The following FTO variants were observed in gnomAD, a reference collection of about 807,000 sequenced individuals.
The protein encoded by FTO is alpha-ketoglutarate-dependent dioxygenase FTO.
Under a neutral mutation model 63.9 loss-of-function variants are expected in FTO, and 47 were observed. The ratio of observed to expected loss-of-function variants is 0.74; its 90% CI spans 0.58 to 0.94. The LOEUF is 0.94. Ranked by LOEUF, FTO falls within the 40% of genes least tolerant of loss-of-function variation. FTO has a pLI of 0.00. For missense variants in FTO, 562 were observed against 618.1 expected, an observed-to-expected ratio of 0.91 and a Z score of 0.96; for synonymous variants, 207 against 224.4, an observed-to-expected ratio of 0.92 and a Z score of 0.69.
chr16:53,973,539 A>G (rs1354773499), intron 8 of FTO, among the ~76,000 whole-genome samples: 1 of 152,160 alleles, frequency 6.6e-6, no homozygotes, highest in African/African-American at 2.4e-5. Context: ...GGAAAGGGCT[A>G]GTTTTGAGGA....
intron 8 of FTO, among the ~76,000 whole-genome samples, chr16:54,105,985 A>G (rs2086742132): frequency 6.6e-6 from 1 of 152,198 alleles, no homozygotes; most frequent in Non-Finnish European, 1.5e-5. Flanking sequence ...CCAGCACATT[A>G]CTGTAAAACC....
chr16:53,704,249 CCT>C lies in FTO; in HGVS notation c.45+21_45+22del. The C allele has an allele frequency of 6.4e-7, 1 of 1,551,008 alleles. No individual in the cohort carries two copies. Among genetic ancestry groups the C allele is most frequent in the Non-Finnish European group, 8.7e-7 (1 of 1,146,440 alleles). ...GCTAAGGTATGTCGGGCTCCCGGGG[CCT>C]GGAGATCTTCGTGCGCTGTGAGCAA... On this transcript the variant is annotated intron_variant, in intron 1 of 8. Transcript: ENST00000471389.
intron 8 of FTO, among the ~76,000 whole-genome samples, chr16:54,021,549 T>A (rs2084601162): frequency 6.6e-6 from 1 of 152,088 alleles, no homozygotes; most frequent in Non-Finnish European, 1.5e-5. Context: ...GAGTGCAGTG[T>A]CGCAATCTCG....
chr16:53,721,037 G>T (rs1172312653), intron 1 of FTO, among the ~76,000 whole-genome samples: 1 of 152,080 alleles, frequency 6.6e-6, no homozygotes, highest in East Asian at 1.9e-4. Context: ...CTATCTGCCT[G>T]CCTTGGTCTC....
intron 1 of FTO, among the ~76,000 whole-genome samples, chr16:53,805,808 G>A (rs1218521919): frequency 2.0e-5 from 3 of 152,144 alleles, no homozygotes; most frequent in Non-Finnish European, 4.4e-5. Context: ...TGTGGAAATG[G>A]GTGGTAGCCT....
intron 1 of FTO, among the ~76,000 whole-genome samples, chr16:53,787,697 A>G (rs1308693752): frequency 6.6e-6 from 1 of 152,180 alleles, no homozygotes; most frequent in East Asian, 1.9e-4. Context: ...AACTAATCAT[A>G]TAAACATCTT....
intron 7 of FTO, among the ~76,000 whole-genome samples, chr16:53,915,535 C>T (rs1481577471): frequency 2.0e-5 from 3 of 152,136 alleles, no homozygotes; most frequent in Non-Finnish European, 2.9e-5. Flanking sequence ...TTTTCTGCTC[C>T]TTAAGAGTTA....
intron 8 of FTO, among the ~76,000 whole-genome samples, chr16:53,975,207 GTTT>G (rs201129496): frequency 6.9e-6 from 1 of 144,220 alleles, no homozygotes; most frequent in Non-Finnish European, 1.5e-5. Context: ...AATATTGTAA[GTTT>G]TTTTTTTTTT....
intron 2 of FTO, among the ~76,000 whole-genome samples, chr16:53,822,273 C>G (rs970522857): frequency 2.0e-5 from 3 of 152,178 alleles, no homozygotes; most frequent in African/African-American, 7.2e-5. Context: ...CATCTGCCTA[C>G]TATTATTACA....
At chr16:53,780,594 T>C (rs913948245) in intron 1 of FTO, among the ~76,000 whole-genome samples, 7 of 152,086 alleles carry the variant, frequency 4.6e-5, no homozygotes, top group African/African-American at 1.7e-4. Flanking sequence ...GGTCTTGAAC[T>C]CCTGACCTCA....
At chr16:53,831,991 A>G (rs947598231) in intron 3 of FTO, among the ~76,000 whole-genome samples, 2 of 152,230 alleles carry the variant, frequency 1.3e-5, no homozygotes, top group African/African-American at 2.4e-5. Flanking sequence ...GAAGAAGGGA[A>G]GCAACACCAG....
intron 8 of FTO, among the ~76,000 whole-genome samples, chr16:54,049,158 C>G (rs1005279393): frequency 6.6e-6 from 1 of 152,142 alleles, no homozygotes; most frequent in Non-Finnish European, 1.5e-5. Flanking sequence ...GTGATACTAC[C>G]ACATACGTCT....
chr16:54,081,288 G>A (rs697771), intron 8 of FTO, among the ~76,000 whole-genome samples: 75,578 of 151,996 alleles, frequency 0.5, 19,570 homozygotes, highest in African/African-American at 0.66. Flanking sequence ...CAAAGAAGGC[G>A]ATTAGATATT....
chr16:53,913,235 G>A (rs777990091), intron 7 of FTO, among the ~76,000 whole-genome samples: 11 of 152,212 alleles, frequency 7.2e-5, no homozygotes, highest in Non-Finnish European at 1.6e-4. Flanking sequence ...GAATGACGGT[G>A]ATTACCCCAC....
chr16:53,947,675 A>G (rs376156456), intron 8 of FTO, among the ~76,000 whole-genome samples: 110 of 152,324 alleles, frequency 7.2e-4, no homozygotes, highest in Admixed American at 1.3e-3. Flanking sequence ...TCTTATTGGG[A>G]TAATAAACAC....
chr16:54,080,000 A>G (rs569993075), intron 8 of FTO, among the ~76,000 whole-genome samples: 2 of 152,220 alleles, frequency 1.3e-5, no homozygotes, highest in Non-Finnish European at 2.9e-5. Flanking sequence ...CCTCTGAGCC[A>G]GAGCCTTAAC....
chr16:53,958,535 C>T (rs944836046), intron 8 of FTO, among the ~76,000 whole-genome samples: 13 of 152,122 alleles, frequency 8.5e-5, no homozygotes, highest in Admixed American at 4.6e-4. Context: ...AAAGAGAGAG[C>T]GAGATTAAGC....
At chr16:53,950,179 A>AAAAAAAC (rs201710707) in intron 8 of FTO, among the ~76,000 whole-genome samples, 2 of 145,878 alleles carry the variant, frequency 1.4e-5, no homozygotes, top group Non-Finnish European at 3.0e-5. Context: ...AAAAAAAAAA[A>AAAAAAAC]CTTAATCCAT....
chr16:54,116,041 A>C lies in FTO; in HGVS notation c.*4126A>C, dbSNP rs754637737. ...AGCCCCACAGAGCTTTCTAGACATA[A>C]AAGAGCAGGGTCATGGCATCATTGG... On this transcript the variant is annotated 3_prime_UTR_variant, in exon 9 of 9. Coordinates refer to ENST00000471389, the MANE Select transcript of FTO (RefSeq NM_001080432.3). 1.3e-5 allele frequency: 2 copies of C among 152,230 alleles called. No individual in the cohort carries two copies. Among genetic ancestry groups the C allele is most frequent in the Non-Finnish European group, 2.9e-5 (2 of 68,076 alleles). The allele number at this position is 152,230 out of a possible 1,614,324, so 9.4% of individuals were successfully genotyped here. A position where few individuals can be genotyped will look rare whatever the true frequency, so the allele number is the denominator to read the frequency against.
Sources: allele counts gnomAD v4.1 joint callset (sites outside exome capture counted in the v4.1 genomes callset), GRCh38; gene constraint gnomAD v4.1.1; transcripts MANE v1.5; gene names NCBI Gene and HGNC (gene_info 2026-07-23, HGNC 2026-07-21).